The following ARHGAP10 variants were observed in gnomAD, a reference collection of about 807,000 sequenced individuals.
The protein encoded by ARHGAP10 is Rho GTPase activating protein 10, also known as rho GTPase-activating protein 10.
A neutral mutation model predicts 108.6 loss-of-function variants in ARHGAP10; 87 were observed. The ratio of observed to expected loss-of-function variants is 0.80; its 90% CI spans 0.67 to 0.96. The LOEUF is 0.96. ARHGAP10 is among the 40% of genes least tolerant of loss of function. ARHGAP10 has a pLI of 0.00. For missense variants in ARHGAP10, 939 were observed against 954.5 expected, an observed-to-expected ratio of 0.98 and a Z score of 0.21; for synonymous variants, 347 against 341.1, an observed-to-expected ratio of 1.02 and a Z score of -0.19.
At chr4:147,932,444 T>C (rs2126950752) in intron 13 of ARHGAP10, among the ~76,000 whole-genome samples, 1 of 152,306 alleles carries the variant, frequency 6.6e-6, no homozygotes, top group African/African-American at 2.4e-5. Context: ...ATGCCGTACA[T>C]GTAATATACC....
chr4:148,051,871 C>T (rs1729153632), intron 20 of ARHGAP10, among the ~76,000 whole-genome samples: 1 of 152,174 alleles, frequency 6.6e-6, no homozygotes, highest in Non-Finnish European at 1.5e-5. Flanking sequence ...CACTGGTAAC[C>T]ATTTTTATTC....
intron 1 of ARHGAP10, among the ~76,000 whole-genome samples, chr4:147,808,051 T>C (rs1305550097): frequency 2.0e-5 from 3 of 152,232 alleles, no homozygotes; most frequent in Non-Finnish European, 4.4e-5. Context: ...ACATGTCTTT[T>C]TGTGGTCTTT....
In ARHGAP10 at chr4:148,023,269, C is replaced by T. The variant is rs201271675; in HGVS notation, c.1723C>T (p.Arg575Trp). The T allele has an allele frequency of 1.7e-4, 282 of 1,613,566 alleles. No individual in the cohort carries two copies. The highest frequency in any genetic ancestry group is 2.2e-4 in the Non-Finnish European group (263 of 1,179,720). The change falls in exon 19 of 23, where the codon CGG becomes TGG. Residue 575 changes from arginine to tryptophan, a missense_variant. Transcript: ENST00000336498. ...CTTTATGCTTTGTTGGAAGATTTTTCGGACGCCGCCCGATACTACATTCCC... is the reference window on the plus strand; with the variant it reads ...CTTTATGCTTTGTTGGAAGATTTTTTGGACGCCGCCCGATACTACATTCCC... ...ILIENHEKIF[R>W]TPPDTTFPEP...
At chr4:147,837,738 T>A (rs1482566252) in intron 3 of ARHGAP10, among the ~76,000 whole-genome samples, 1 of 147,216 alleles carries the variant, frequency 6.8e-6, no homozygotes, top group Non-Finnish European at 1.5e-5. Context: ...GTCATTACCT[T>A]ACTGCAAGCC....
intron 4 of ARHGAP10, among the ~76,000 whole-genome samples, chr4:147,857,234 T>C (rs1734129531): frequency 6.6e-6 from 1 of 152,248 alleles, no homozygotes; most frequent in African/African-American, 2.4e-5. Context: ...TTCTTACGTA[T>C]TTTGTTTCAT....
intron 20 of ARHGAP10, among the ~76,000 whole-genome samples, chr4:148,048,023 A>G (rs933209602): frequency 1.3e-5 from 2 of 152,112 alleles, no homozygotes; most frequent in Non-Finnish European, 2.9e-5. Flanking sequence ...GGGTTTCACC[A>G]TGTTGGCCAG....
In ARHGAP10 at chr4:148,072,230, GGGGTGGT is replaced by G; in HGVS notation, c.*153_*159del. ...TCATCACAGTCAGCCCTGGGGGTGG[GGGGTGGT>G]GGGCAGGGATGGGACGCACCACACA... is the stretch of plus-strand genomic sequence containing the variant. On this transcript the variant is annotated 3_prime_UTR_variant, in exon 23 of 23. Coordinates refer to ENST00000336498, the MANE Select transcript of ARHGAP10 (RefSeq NM_024605.4). 3 of 538,156 alleles carry G rather than the reference GGGGTGGT, an allele frequency of 5.6e-6. No individual in the cohort carries two copies. Among genetic ancestry groups the G allele is most frequent in the East Asian group, 3.9e-5 (1 of 25,526 alleles). The allele number at this position is 538,156 out of a possible 1,614,324, so 33.3% of individuals were successfully genotyped here.
intron 20 of ARHGAP10, among the ~76,000 whole-genome samples, chr4:148,052,994 A>C (rs1362873269): frequency 2.0e-5 from 3 of 152,136 alleles, no homozygotes; most frequent in Non-Finnish European, 4.4e-5. Context: ...CCCTCTTGGC[A>C]CTTCCAGGCT....
At chr4:147,993,898 G>A (rs918963115) in intron 18 of ARHGAP10, among the ~76,000 whole-genome samples, 1 of 152,172 alleles carries the variant, frequency 6.6e-6, no homozygotes, top group Non-Finnish European at 1.5e-5. Context: ...TTCAGACATG[G>A]GCAAGCTCTA....
In ARHGAP10 at chr4:147,881,866, A is replaced by G. The variant is rs1457002332; in HGVS notation, c.968A>G (p.Glu323Gly). Residue 323 changes from glutamate to glycine, a missense_variant, in exon 10 of 23, where the codon GAA becomes GGA. Coordinates refer to ENST00000336498, the MANE Select transcript of ARHGAP10 (RefSeq NM_024605.4). The stretch of plus-strand genomic sequence containing the variant: ...GACGGAGAGGTGTTCTTTTTGAAAG[A>G]ATGTACCAAGAGGCATACTGACTCC... The part of the protein sequence containing the change: ...LGDGEVFFLK[E>G]CTKRHTDSID... 6.2e-7 allele frequency: 1 copy of G among 1,614,000 alleles called. No individual in the cohort carries two copies. The highest frequency in any genetic ancestry group is 1.7e-5 in the Admixed American group (1 of 59,992).
intron 13 of ARHGAP10, among the ~76,000 whole-genome samples, chr4:147,922,731 C>A (rs536805810): frequency 4.6e-5 from 7 of 152,058 alleles, no homozygotes; most frequent in Non-Finnish European, 1.0e-4. Context: ...TACCTCCCAC[C>A]CAGCTTTGTG....
At chr4:147,905,069 T>A (rs1361360937) in intron 10 of ARHGAP10, among the ~76,000 whole-genome samples, 3 of 152,222 alleles carry the variant, frequency 2.0e-5, no homozygotes, top group Non-Finnish European at 2.9e-5. Context: ...GCCCACTTTT[T>A]GATGGGGTTG....
intron 10 of ARHGAP10, among the ~76,000 whole-genome samples, chr4:147,903,121 A>G (rs1736317114): frequency 1.3e-5 from 2 of 152,254 alleles, no homozygotes; most frequent in East Asian, 1.9e-4. Flanking sequence ...CCACATGGCC[A>G]GGGAGGCCCT....
intron 8 of ARHGAP10, among the ~76,000 whole-genome samples, chr4:147,875,389 C>T (rs771627529): frequency 1.3e-5 from 2 of 152,172 alleles, no homozygotes; most frequent in Non-Finnish European, 2.9e-5. Context: ...AGACACCCCA[C>T]TAGCTTCTGT....
chr4:148,032,802 G>GT (rs138491990), intron 19 of ARHGAP10, among the ~76,000 whole-genome samples: 1,930 of 152,284 alleles, frequency 0.013, 45 homozygotes, highest in African/African-American at 0.044. Flanking sequence ...GCCCACTGGT[G>GT]TAAGTCCAGG....
chr4:147,916,466 G>A (rs1259553754), intron 13 of ARHGAP10: 1 of 152,130 alleles, frequency 6.6e-6, no homozygotes, highest in Non-Finnish European at 1.5e-5. Flanking sequence ...TGCACCAACC[G>A]GAAAAAGTTT....
chr4:147,794,105 G>A (rs760946572), intron 1 of ARHGAP10, among the ~76,000 whole-genome samples: 1 of 152,144 alleles, frequency 6.6e-6, no homozygotes, highest in Non-Finnish European at 1.5e-5. Context: ...GTGTAGGGGA[G>A]GGACAGGCTC....
chr4:147,767,091 TC>T (rs1204886454), intron 1 of ARHGAP10, among the ~76,000 whole-genome samples: 3 of 151,878 alleles, frequency 2.0e-5, no homozygotes, highest in Admixed American at 2.0e-4. Flanking sequence ...CCTCAAGCAA[TC>T]CACCCACTTT....
chr4:148,068,909 T>G (rs929264239), intron 22 of ARHGAP10, among the ~76,000 whole-genome samples: 4 of 152,178 alleles, frequency 2.6e-5, no homozygotes, highest in Non-Finnish European at 4.4e-5. Flanking sequence ...ACACCCGTCT[T>G]GTTCCCTGTT....
Sources: allele counts gnomAD v4.1 joint callset (sites outside exome capture counted in the v4.1 genomes callset), GRCh38; gene constraint gnomAD v4.1.1; transcripts MANE v1.5; gene names NCBI Gene and HGNC (gene_info 2026-07-23, HGNC 2026-07-21).